The following SERPINI2 variants were observed in gnomAD, a reference collection of about 807,000 sequenced individuals.
The protein encoded by SERPINI2 is serpin family I member 2, also known as serpin I2.
Under a neutral mutation model 47.3 loss-of-function variants are expected in SERPINI2, and 48 were observed. The ratio of observed to expected loss-of-function variants is 1.02; its 90% CI spans 0.81 to 1.29. SERPINI2 has a LOEUF of 1.29. Among genes scored for constraint, SERPINI2 ranks in the 50% most tolerant of loss-of-function variants. The probability of loss-of-function intolerance (pLI) is 0.00; values close to 1 mark genes in which losing one functional copy is unlikely to be tolerated. For missense variants in SERPINI2, 448 were observed against 456.9 expected (o/e 0.98, Z 0.18); for synonymous variants, 135 against 149.3 (o/e 0.90, Z 0.70).
In SERPINI2 at chr3:167,465,557, G is replaced by A. The variant is rs149223311; in HGVS notation, c.595C>T (p.Gln199Ter). 268 of 1,613,714 alleles carry A rather than the reference G, an allele frequency of 1.7e-4. No homozygotes were observed. The highest frequency in any genetic ancestry group is 6.4e-5 in the Non-Finnish European group (76 of 1,179,926). The stretch of plus-strand genomic sequence containing the variant: ...TTTTTCTTAGTAAAATTTATCAGCT[G>A]TGTGTCCTCTTTTCTGAATTTCTGT... Residue 199 changes from glutamine (Q) to a stop codon, truncating the protein, a stop_gained, in exon 4 of 9, where the codon CAG becomes TAG. Coordinates refer to ENST00000264677, the Ensembl canonical transcript of SERPINI2. LOFTEE classifies it high-confidence loss of function.
At chr3:167,468,584 A>G (rs1750214015) in intron 2 of SERPINI2, among the ~76,000 whole-genome samples, 1 of 152,184 alleles carries the variant, frequency 6.6e-6, no homozygotes, top group East Asian at 1.9e-4. Flanking sequence ...TCACTGGTAT[A>G]TAGATACAGG....
chr3:167,443,912 A>G (rs1749395216), intron 8 of SERPINI2, among the ~76,000 whole-genome samples: 1 of 152,164 alleles, frequency 6.6e-6, no homozygotes, highest in East Asian at 1.9e-4. Context: ...AGCAAAAATG[A>G]TTATTTTTTA....
At chr3:167,471,727 C>T in exon 2 of SERPINI2, 1 of 1,613,518 alleles carries the variant, frequency 6.2e-7, no homozygotes, top group Non-Finnish European at 8.5e-7. Context: ...ATAAGGAAAC[C>T]TCTTGATAAA....
chr3:167,464,626 G>C (rs962910196), intron 5 of SERPINI2, among the ~76,000 whole-genome samples: 1 of 152,060 alleles, frequency 6.6e-6, no homozygotes, highest in Non-Finnish European at 1.5e-5. Flanking sequence ...TGAGTCATTT[G>C]GGCACACCTT....
intron 5 of SERPINI2, among the ~76,000 whole-genome samples, chr3:167,462,052 T>C (rs1749997936): frequency 6.6e-6 from 1 of 152,104 alleles, no homozygotes; most frequent in African/African-American, 2.4e-5. Context: ...GATAACTCTT[T>C]TAGGTGAAGG....
At chr3:167,449,270 T>C (rs747783880) in intron 7 of SERPINI2, 46 bp downstream of exon 7, 9 of 1,264,222 alleles carry the variant, frequency 7.1e-6, no homozygotes, top group Non-Finnish European at 1.0e-5. Flanking sequence ...ATGTTCATCC[T>C]CTCCCCATGT....
upstream of SERPINI2, among the ~76,000 whole-genome samples, chr3:167,476,394 A>C (rs1364390439): frequency 1.3e-5 from 2 of 152,030 alleles, no homozygotes; most frequent in East Asian, 3.9e-4. Flanking sequence ...TGAAAGTCTC[A>C]TACCTTTAAA....
At chr3:167,450,325 T>C (rs904617030) in intron 6 of SERPINI2, among the ~76,000 whole-genome samples, 1 of 152,292 alleles carries the variant, frequency 6.6e-6, no homozygotes, top group East Asian at 1.9e-4. Flanking sequence ...ATGCTCCTTT[T>C]TCTCCCCTTG....
upstream of SERPINI2, among the ~76,000 whole-genome samples, chr3:167,476,377 G>A (rs189486146): frequency 1.3e-5 from 2 of 151,952 alleles, no homozygotes; most frequent in African/African-American, 4.8e-5. Context: ...ATTAGAAACA[G>A]TTACCTTGAA....
chr3:167,449,298 A>C lies in SERPINI2; in HGVS notation c.1051+18T>G. 6.3e-7 allele frequency: 1 copy of C among 1,575,534 alleles called. No homozygotes were observed. The highest frequency in any genetic ancestry group is 8.7e-7 in the Non-Finnish European group (1 of 1,144,932). On this transcript the variant is annotated intron_variant, in intron 7 of 8. Transcript: ENST00000264677. ...CCCCATGTTTCCTTCTAGCTTGGCC[A>C]GAAATCATTCACCCTACCAGTTGAT...
At chr3:167,450,170 T>C in intron 6 of SERPINI2, among the ~76,000 whole-genome samples, 1 of 152,236 alleles carries the variant, frequency 6.6e-6, no homozygotes, top group East Asian at 1.9e-4. Flanking sequence ...CCTTCAAATC[T>C]GGGGAAGCTA....
At chr3:167,457,255 A>T (rs558692959) in intron 5 of SERPINI2, among the ~76,000 whole-genome samples, 10 of 152,360 alleles carry the variant, frequency 6.6e-5, no homozygotes, top group Non-Finnish European at 1.5e-4. Context: ...ATACATGCAT[A>T]ACCTTACATG....
chr3:167,451,873 T>TA (rs1253245465), intron 6 of SERPINI2, among the ~76,000 whole-genome samples: 1 of 152,190 alleles, frequency 6.6e-6, no homozygotes, highest in Non-Finnish European at 1.5e-5. Context: ...AGGGCACACT[T>TA]ACAGAGCATC....
chr3:167,449,341 A>T (rs1354480432), exon 7 of SERPINI2: 2 of 1,613,048 alleles, frequency 1.2e-6, no homozygotes, highest in Non-Finnish European at 8.5e-7. Context: ...CTTCACTACC[A>T]TCTTCATTTA....
At chr3:167,456,190 A>G (rs1244447500) in intron 5 of SERPINI2, among the ~76,000 whole-genome samples, 1 of 93,244 alleles carries the variant, frequency 1.1e-5, no homozygotes, top group Non-Finnish European at 2.4e-5. Context: ...GTGTGTGTGT[A>G]AAATAATTAA....
intron 6 of SERPINI2, among the ~76,000 whole-genome samples, chr3:167,452,661 A>G (rs1749674945): frequency 6.6e-6 from 1 of 152,246 alleles, no homozygotes; most frequent in Non-Finnish European, 1.5e-5. Context: ...CAGGGCAGAA[A>G]TAAAAACCCA....
chr3:167,467,225 A>C (rs1750160930), exon 3 of SERPINI2: 1 of 1,613,082 alleles, frequency 6.2e-7, no homozygotes, highest in African/African-American at 1.3e-5. Flanking sequence ...ATTAAATGTA[A>C]ATTCTTGTTT....
Position 167,471,753 on chromosome 3 carries a change from C to T in SERPINI2, c.82G>A (p.Glu28Lys), listed in dbSNP as rs538711820. 1.2e-4 allele frequency: 195 copies of T among 1,613,534 alleles called. 2 individuals are homozygous for T. In the South Asian group the frequency reaches 1.8e-3, roughly 15 times the overall value. ...TCTTGATAAAGATCCACTGCAAATT[C>T]GGTATTTTTTTGAGCTGAGCATCTT... The change falls in exon 2 of 9, where the codon GAA (glutamate) becomes AAA (lysine). Residue 28 changes from glutamate (E) to lysine (K), a missense_variant. Transcript: ENST00000264677.
At chr3:167,455,191 T>G (rs1749750041) in intron 5 of SERPINI2, among the ~76,000 whole-genome samples, 1 of 152,184 alleles carries the variant, frequency 6.6e-6, no homozygotes, top group Non-Finnish European at 1.5e-5. Flanking sequence ...AGTAGAAGAA[T>G]GAGCAGCAAA....
Sources: allele counts gnomAD v4.1 joint callset (sites outside exome capture counted in the v4.1 genomes callset), GRCh38; gene constraint gnomAD v4.1.1; transcripts MANE v1.5; gene names NCBI Gene and HGNC (gene_info 2026-07-23, HGNC 2026-07-21).